Variants in LSAMP observed in about 807,000 individuals in gnomAD.
LSAMP encodes the protein limbic system associated membrane protein.
A neutral mutation model predicts 38.6 loss-of-function variants in LSAMP; 7 were observed. The observed-to-expected ratio is 0.18, with a 90% CI of 0.10 to 0.34. The LOEUF is 0.34. LSAMP is among the 10% of genes least tolerant of loss of function. The probability of loss-of-function intolerance (pLI) is 1.00; values close to 1 mark genes in which losing one functional copy is unlikely to be tolerated. For missense variants in LSAMP, 313 were observed against 420.0 expected (o/e 0.75, Z 2.23); for synonymous variants, 154 against 166.8 (o/e 0.92, Z 0.59).
In LSAMP at chr3:116,412,130, T is replaced by C. The variant is rs188474034; in HGVS notation, c.155+32747A>G. 2.0e-5 allele frequency among the ~76,000 whole-genome samples: 3 copies of C among 152,178 alleles called. No homozygotes were observed. The East Asian group carries it at 5.8e-4, about 29-fold the overall frequency. ...ATATTGCTGATACCATTATTACCAC[T>C]AATTCTGCTTCCCTGAAACTATTCC... On this transcript the variant is annotated intron_variant, in intron 1 of 6. Coordinates refer to ENST00000490035, the MANE Select transcript of LSAMP (RefSeq NM_002338.5).
chr3:116,101,240 C>T lies in LSAMP; in HGVS notation c.156-14684G>A, dbSNP rs75805970. Among the ~76,000 whole-genome samples the T allele has an allele frequency of 2.5e-3, 384 of 152,262 alleles. 1 individual carries two copies. Among genetic ancestry groups the T allele is most frequent in the African/African-American group, 8.9e-3 (369 of 41,556 alleles). The stretch of plus-strand genomic sequence containing the variant: ...TTACTATTCCAAGTGGTGTTGAAAG[C>T]GGAGAAGTTGTGACAGGACAAGAAG... On this transcript the variant is annotated intron_variant, in intron 1 of 6. Coordinates refer to ENST00000490035, the MANE Select transcript of LSAMP (RefSeq NM_002338.5).
chr3:116,056,563 TTC>T (rs1360214831), intron 2 of LSAMP, among the ~76,000 whole-genome samples: 1 of 152,130 alleles, frequency 6.6e-6, no homozygotes, highest in Non-Finnish European at 1.5e-5. Flanking sequence ...CAGAAACACA[TTC>T]TGGGAAAAAG....
chr3:116,358,877 C>T (rs532427063), intron 1 of LSAMP, among the ~76,000 whole-genome samples: 9 of 152,224 alleles, frequency 5.9e-5, no homozygotes, highest in Middle Eastern at 3.4e-3. Flanking sequence ...TAATTATTCT[C>T]CATCAAAAAG....
rs141073417 is a variant in LSAMP, at chr3:115,861,470, A to G, written c.515-8853T>C. Reference sequence around the variant, plus strand: ...TGCCTGGGGAATGATGTTGAGAAGGATTCTGAGGCGGTGTCTGGGCTCAAT... The same window carrying G: ...TGCCTGGGGAATGATGTTGAGAAGGGTTCTGAGGCGGTGTCTGGGCTCAAT... On this transcript the variant is annotated intron_variant, in intron 3 of 6. Transcript: ENST00000490035. Among the ~76,000 whole-genome samples the G allele has an allele frequency of 1.4e-3, 214 of 152,010 alleles. 4 individuals are homozygous for G. The East Asian group carries it at 0.034, about 24-fold the overall frequency.
intron 3 of LSAMP, among the ~76,000 whole-genome samples, chr3:115,899,071 TGGAAAA>T (rs779909651): frequency 4.3e-4 from 66 of 152,224 alleles, no homozygotes; most frequent in Admixed American, 1.8e-3. Flanking sequence ...GCTGAAATCA[TGGAAAA>T]GGATAAAGAA....
At chr3:115,928,566 T>C (rs1937526390) in intron 3 of LSAMP, among the ~76,000 whole-genome samples, 2 of 152,236 alleles carry the variant, frequency 1.3e-5, no homozygotes, top group Non-Finnish European at 1.5e-5. Context: ...AGAACTTCCT[T>C]TAAAATGTTA....
intron 2 of LSAMP, among the ~76,000 whole-genome samples, chr3:116,050,849 T>G (rs906769641): frequency 2.0e-5 from 3 of 152,218 alleles, no homozygotes; most frequent in Non-Finnish European, 4.4e-5. Context: ...CATTTGTATC[T>G]GTAGTATGAT....
At chr3:116,199,839 G>A (rs919370441) in intron 1 of LSAMP, among the ~76,000 whole-genome samples, 2 of 152,050 alleles carry the variant, frequency 1.3e-5, no homozygotes, top group Non-Finnish European at 2.9e-5. Context: ...AGGTGGTTGT[G>A]GCAACCATTG....
chr3:116,189,728 A>C (rs1710708131), intron 1 of LSAMP, among the ~76,000 whole-genome samples: 1 of 152,198 alleles, frequency 6.6e-6, no homozygotes, highest in Middle Eastern at 3.2e-3. Context: ...TAATAATTGC[A>C]GAACCCCAAT....
intron 2 of LSAMP, among the ~76,000 whole-genome samples, chr3:116,036,163 A>T (rs780611782): frequency 6.6e-6 from 1 of 152,222 alleles, no homozygotes; most frequent in Non-Finnish European, 1.5e-5. Context: ...CATTAAGAAG[A>T]GAAAATTACA....
At chr3:116,228,444 A>C (rs1046230556) in intron 1 of LSAMP, among the ~76,000 whole-genome samples, 16 of 150,138 alleles carry the variant, frequency 1.1e-4, no homozygotes, top group African/African-American at 3.5e-4. Context: ...AACCTTAGAC[A>C]AAATCACTAA....
intron 1 of LSAMP, among the ~76,000 whole-genome samples, chr3:116,138,766 G>C (rs1709307803): frequency 6.6e-6 from 1 of 150,734 alleles, no homozygotes. Context: ...CATTGCCAAA[G>C]AAATGTGCTA....
At position 116,216,912 on chromosome 3, in the gene LSAMP, A is replaced by G. The variant is rs78823820; in HGVS notation, c.156-130356T>C. ...GGAAGAGGAATGCCTGTTCTTATGT[A>G]CTGTTCAGAACCATGATGGAAGAAG... On this transcript the variant is annotated intron_variant, in intron 1 of 6. Transcript: ENST00000490035. Among the ~76,000 whole-genome samples, 1,042 of 152,322 alleles carry G rather than the reference A, an allele frequency of 6.8e-3. 11 individuals are homozygous for G. Among genetic ancestry groups the G allele is most frequent in the Non-Finnish European group, 7.3e-3 (496 of 68,036 alleles).
intron 1 of LSAMP, among the ~76,000 whole-genome samples, chr3:116,187,296 A>T (rs1174663656): frequency 6.6e-6 from 1 of 152,176 alleles, no homozygotes; most frequent in Non-Finnish European, 1.5e-5. Flanking sequence ...GCCAATATCC[A>T]TGTGGGTATC....
chr3:116,297,346 A>C lies in LSAMP; in HGVS notation c.155+147531T>G, dbSNP rs547265485. Among the ~76,000 whole-genome samples, 222 of 152,324 alleles carry C rather than the reference A, an allele frequency of 1.5e-3. 1 individual carries two copies. Among genetic ancestry groups the C allele is most frequent in the Non-Finnish European group, 2.6e-3 (177 of 68,028 alleles). On this transcript the variant is annotated intron_variant, in intron 1 of 6. Transcript: ENST00000490035. The stretch of plus-strand genomic sequence containing the variant: ...ATTATTGGGGTGGTCAAAGAAATTC[A>C]CCCTAGATAACAAAGGATAGTGAGA...
chr3:115,880,595 A>C (rs564379513), intron 3 of LSAMP, among the ~76,000 whole-genome samples: 9 of 152,268 alleles, frequency 5.9e-5, no homozygotes, highest in African/African-American at 2.2e-4. Context: ...CTTCTAAATC[A>C]CTGGGAAAAC....
chr3:115,821,068 C>G (rs1934220151), intron 6 of LSAMP, among the ~76,000 whole-genome samples: 1 of 152,172 alleles, frequency 6.6e-6, no homozygotes. Context: ...TTACCCTTTA[C>G]TATGATCTCT....
intron 1 of LSAMP, among the ~76,000 whole-genome samples, chr3:116,391,422 C>T (rs1028147537): frequency 2.0e-5 from 3 of 152,206 alleles, no homozygotes; most frequent in Non-Finnish European, 4.4e-5. Context: ...TCGCCACTCT[C>T]GCCTGCTGCT....
intron 1 of LSAMP, among the ~76,000 whole-genome samples, chr3:116,208,980 C>T (rs2046111951): frequency 6.6e-6 from 1 of 152,224 alleles, no homozygotes; most frequent in South Asian, 2.1e-4. Flanking sequence ...TGGGCAATGG[C>T]AGGCGCCCCT....
Sources: allele counts gnomAD v4.1 joint callset (sites outside exome capture counted in the v4.1 genomes callset), GRCh38; gene constraint gnomAD v4.1.1; transcripts MANE v1.5; gene names NCBI Gene and HGNC (gene_info 2026-07-23, HGNC 2026-07-21).